Variants in LGR4 observed in about 807,000 individuals in gnomAD.
The protein encoded by LGR4 is leucine-rich repeat-containing G protein-coupled receptor 4.
In LGR4, 44 loss-of-function variants were observed where a neutral mutation model predicts 84.8. The observed-to-expected ratio is 0.52, with a 90% CI of 0.41 to 0.67. The LOEUF (loss-of-function observed/expected upper bound fraction) is 0.67. Ranked by LOEUF, LGR4 falls within the 30% of genes least tolerant of loss-of-function variation. The pLI is 0.00. For synonymous variants in LGR4, 429 were observed against 434.3 expected (o/e 0.99, Z 0.15); for missense variants, 1,032 against 1,131.4 (o/e 0.91, Z 1.26).
chr11:27,417,790 A>C (rs1863848223), intron 1 of LGR4, among the ~76,000 whole-genome samples: 1 of 152,210 alleles, frequency 6.6e-6, no homozygotes, highest in African/African-American at 2.4e-5. Flanking sequence ...GAAATCGTAT[A>C]GTTCTGAACA....
intron 1 of LGR4, among the ~76,000 whole-genome samples, chr11:27,445,641 G>A (rs1864377355): frequency 6.6e-6 from 1 of 152,110 alleles, no homozygotes; most frequent in African/African-American, 2.4e-5. Context: ...CATTTTGGGA[G>A]GCCGAGTAGA....
At position 27,371,648 on chromosome 11, in the gene LGR4, T is replaced by A. The variant is rs911464785; in HGVS notation, c.1546A>T (p.Ser516Cys). Residue 516 changes from serine to cysteine, a missense_variant, in exon 17 of 18, where the codon AGT becomes TGT. Coordinates refer to ENST00000379214, the MANE Select transcript of LGR4 (RefSeq NM_018490.5). ...VTSTLENEEH[S>C]QIIIHCTPST... is the part of the protein sequence containing the mutation. ...GGTGTACAATGGATAATTATTTGAC[T>A]ATGTTCTTCATTTTCAAGAGTGCTT... 3 of 1,613,452 alleles carry A rather than the reference T, an allele frequency of 1.9e-6. No individual in the cohort carries two copies. The highest frequency in any genetic ancestry group is 2.5e-6 in the Non-Finnish European group (3 of 1,179,528).
chr11:27,371,820 T>C, intron 16 of LGR4, 122 bp from the exon 17 acceptor site: 1 of 672,316 alleles, frequency 1.5e-6, no homozygotes, highest in South Asian at 2.1e-5. Flanking sequence ...CAATAACATA[T>C]TAAAGATGCT....
At chr11:27,465,340 A>T (rs888390802) in intron 1 of LGR4, among the ~76,000 whole-genome samples, 4 of 152,246 alleles carry the variant, frequency 2.6e-5, no homozygotes, top group African/African-American at 9.6e-5. Flanking sequence ...GCATAACGCC[A>T]AATCTTGTGG....
intron 1 of LGR4, among the ~76,000 whole-genome samples, chr11:27,435,216 C>T (rs111979892): frequency 6.6e-6 from 1 of 151,942 alleles, no homozygotes; most frequent in Non-Finnish European, 1.5e-5. Flanking sequence ...GCCTGTAATC[C>T]CAGTTGCTTG....
chr11:27,384,529 C>T (rs1863152493), intron 5 of LGR4, 122 bp from the exon 6 acceptor site: 1 of 701,778 alleles, frequency 1.4e-6, no homozygotes, highest in African/African-American at 1.8e-5. Context: ...AACAGCTAAA[C>T]AGCTAAACAG....
Position 27,457,223 on chromosome 11 carries a change from G to T in LGR4, c.185+14895C>A, listed in dbSNP as rs542995811. Among the ~76,000 whole-genome samples the T allele has an allele frequency of 5.3e-5, 8 of 152,296 alleles. No individual in the cohort carries two copies. In the South Asian group the frequency reaches 1.7e-3, roughly 32 times the overall value. Reference sequence around the variant, plus strand: ...AAATTCTAGTTAGCACATGTAAAATGCATAATGTATAGGTAGGCCCAGCAA... The same window carrying T: ...AAATTCTAGTTAGCACATGTAAAATTCATAATGTATAGGTAGGCCCAGCAA... On this transcript the variant is annotated intron_variant, in intron 1 of 17. Coordinates refer to ENST00000379214, the MANE Select transcript of LGR4 (RefSeq NM_018490.5).
At position 27,472,074 on chromosome 11, in the gene LGR4, C is replaced by A. The variant is rs1426226789; in HGVS notation, c.185+44G>T. On this transcript the variant is annotated intron_variant, in intron 1 of 17. Coordinates refer to ENST00000379214, the MANE Select transcript of LGR4 (RefSeq NM_018490.5). ...CGCCCCGCGGCGCCCCCCGCTGGGC[C>A]CCGTTTCCTCCCCCCCCCTCGCGTC... 1.8e-4 allele frequency: 210 copies of A among 1,158,848 alleles called. 1 individual carries two copies. In the East Asian group the frequency reaches 7.2e-3, roughly 40 times the overall value. 71.8% of individuals were successfully genotyped at this position (1,158,848 alleles called of 1,614,324 possible). A position where few individuals can be genotyped will look rare whatever the true frequency, so the allele number is the denominator to read the frequency against.
chr11:27,441,416 A>C (rs1303089792), intron 1 of LGR4, among the ~76,000 whole-genome samples: 1 of 152,214 alleles, frequency 6.6e-6, no homozygotes, highest in East Asian at 1.9e-4. Flanking sequence ...TTCACACACA[A>C]AAAAAGTGGC....
intron 15 of LGR4, 119 bp from the exon 16 acceptor site, chr11:27,372,517 T>C (rs1464815840): frequency 1.6e-6 from 1 of 624,724 alleles, no homozygotes; most frequent in Middle Eastern, 3.3e-4. Flanking sequence ...ATCTGTCATG[T>C]GCTTTAGGCT....
intron 1 of LGR4, among the ~76,000 whole-genome samples, chr11:27,471,179 T>TTCTCAAGGGAACGTCTAAAGC (rs1864864577): frequency 6.6e-6 from 1 of 152,220 alleles, no homozygotes; most frequent in Non-Finnish European, 1.5e-5. Flanking sequence ...TCCTCTTCTT[T>TTCTCAAGGGAACGTCTAAAGC]TCTCAAGGGA....
At chr11:27,410,435 A>G (rs979918980) in intron 2 of LGR4, among the ~76,000 whole-genome samples, 2 of 152,108 alleles carry the variant, frequency 1.3e-5, no homozygotes, top group Non-Finnish European at 2.9e-5. Context: ...ACTAACATGG[A>G]AAAACCCTCA....
At chr11:27,435,634 C>T (rs1211259479) in intron 1 of LGR4, among the ~76,000 whole-genome samples, 1 of 151,150 alleles carries the variant, frequency 6.6e-6, no homozygotes, top group African/African-American at 2.4e-5. Flanking sequence ...ATTACAGATG[C>T]CTGCCACCAC....
chr11:27,412,686 T>C, intron 2 of LGR4, 103 bp downstream of exon 2: 1 of 782,630 alleles, frequency 1.3e-6, no homozygotes, highest in East Asian at 2.5e-5. Context: ...AATTAAGCTA[T>C]CAGAATGTCT....
chr11:27,382,910 A>G (rs972529704), intron 6 of LGR4, among the ~76,000 whole-genome samples: 2 of 152,188 alleles, frequency 1.3e-5, no homozygotes, highest in Non-Finnish European at 2.9e-5. Context: ...CCAGCTACTA[A>G]GGAAGCTGAG....
At chr11:27,371,935 C>T (rs1201312675) in intron 16 of LGR4, among the ~76,000 whole-genome samples, 1 of 152,132 alleles carries the variant, frequency 6.6e-6, no homozygotes. Context: ...TCATAGCTCA[C>T]TGCAACCTTG....
intron 2 of LGR4, among the ~76,000 whole-genome samples, chr11:27,394,836 G>A (rs1863356769): frequency 6.6e-6 from 1 of 151,944 alleles, no homozygotes; most frequent in South Asian, 2.1e-4. Context: ...GTTGTTTCTT[G>A]TACATTAGTC....
At chr11:27,417,137 T>C (rs1863835123) in intron 1 of LGR4, among the ~76,000 whole-genome samples, 1 of 152,176 alleles carries the variant, frequency 6.6e-6, no homozygotes, top group Non-Finnish European at 1.5e-5. Flanking sequence ...GATAAAACTG[T>C]ACTGCTACTA....
intron 13 of LGR4, among the ~76,000 whole-genome samples, chr11:27,375,297 CA>C (rs5790647): frequency 1.2e-3 from 136 of 118,108 alleles, no homozygotes; most frequent in East Asian, 1.5e-3. Context: ...GACCCTGTCT[CA>C]AAAAAAAAAA....
Sources: allele counts gnomAD v4.1 joint callset (sites outside exome capture counted in the v4.1 genomes callset), GRCh38; gene constraint gnomAD v4.1.1; transcripts MANE v1.5; gene names NCBI Gene and HGNC (gene_info 2026-07-23, HGNC 2026-07-21).